OSR1: variants seen among roughly 807,000 people sequenced by gnomAD.
OSR1 encodes odd-skipped related transcription factor 1, also known as protein odd-skipped-related 1.
OSR1 carries 3 observed loss-of-function variants against 15.7 expected under a neutral mutation model. The ratio of observed to expected loss-of-function variants is 0.19; its 90% confidence interval spans 0.09 to 0.50. The LOEUF is 0.50. Ranked by LOEUF, OSR1 falls within the 20% of genes least tolerant of loss-of-function variation. The pLI, the probability that OSR1 is intolerant of heterozygous loss-of-function variation, is 0.97. For missense variants in OSR1, 271 were observed against 351.1 expected, an observed-to-expected ratio of 0.77 and a Z score of 1.82; for synonymous variants, 166 against 152.7, an observed-to-expected ratio of 1.09 and a Z score of -0.64.
downstream of OSR1, among the ~76,000 whole-genome samples, chr2:19,350,765 A>G (rs2103358025): frequency 6.6e-6 from 1 of 151,760 alleles, no homozygotes; most frequent in Admixed American, 6.5e-5. Context: ...GGCGGACTCG[A>G]ATTTTTCCTC....
At position 19,352,267 on chromosome 2, in the gene OSR1, G is replaced by T; in HGVS notation, c.*8C>A. 4 of 1,614,052 alleles carry T rather than the reference G, an allele frequency of 2.5e-6. 1 individual carries two copies. ...GGGCCTAGGGTCCTTGTGACCCACA[G>T]GTTCTATTTAGCATTTGATCTTGGA... On this transcript the variant is annotated 3_prime_UTR_variant, in exon 3 of 3. Transcript: ENST00000272223.
At chr2:19,354,748 GC>G (rs1003092698) in intron 1 of OSR1, 9 of 152,302 alleles carry the variant, frequency 5.9e-5, no homozygotes, top group African/African-American at 2.2e-4. Context: ...TCAAACAACT[GC>G]AGTCACAAAC....
At chr2:19,350,287 G>C (rs573488384), downstream of OSR1, among the ~76,000 whole-genome samples, 21 of 152,252 alleles carry the variant, frequency 1.4e-4, no homozygotes, top group Admixed American at 1.3e-3. Context: ...TGGCCAGCAG[G>C]GGGCAGCGTG....
At chr2:19,352,822 A>G (rs1468709902) in intron 2 of OSR1, among the ~76,000 whole-genome samples, 1 of 152,212 alleles carries the variant, frequency 6.6e-6, no homozygotes, top group Admixed American at 6.5e-5. Context: ...AGTTTCTCAG[A>G]CATTTCAAAT....
rs1351493474 is a variant in OSR1 at position 19,357,089 on chromosome 2, G to A, written c.-33+1252C>T. 6.6e-6 allele frequency among the ~76,000 whole-genome samples: 1 copy of A among 152,046 alleles called. No homozygotes were observed. The highest frequency in any genetic ancestry group is 1.5e-5 in the Non-Finnish European group (1 of 68,020). On this transcript the variant is annotated intron_variant, in intron 1 of 2. Transcript: ENST00000272223. This position sits in a 1 kb window ranked among gnomAD's most constrained non-coding sequence, Gnocchi z 5.0. The stretch of plus-strand genomic sequence containing the variant: ...CTTCTATAGCATTCTCCCAACAAAC[G>A]AGATCTAACGAACCCATTGGCAAGG...
Position 19,353,125 on chromosome 2 carries a change from A to T in OSR1, c.665+16T>A. ...GAGGCAGAGAGCTCTCTCTTGCGCCACCCGCAGTGCCGCACCTGTGGTCTC... is the reference window on the plus strand; with the variant it reads ...GAGGCAGAGAGCTCTCTCTTGCGCCTCCCGCAGTGCCGCACCTGTGGTCTC... On this transcript the variant is annotated intron_variant, in intron 2 of 2. Coordinates refer to ENST00000272223, the MANE Select transcript of OSR1 (RefSeq NM_145260.3). The T allele has an allele frequency of 6.2e-7, 1 of 1,611,286 alleles. No homozygotes were observed. The highest frequency in any genetic ancestry group is 1.1e-5 in the South Asian group (1 of 91,028).
At position 19,351,625 on chromosome 2, in the gene OSR1, G is replaced by A. The variant is rs1664841370; in HGVS notation, c.*650C>T. The A allele has an allele frequency of 6.6e-6, 1 of 152,530 alleles. No homozygotes were observed. Among genetic ancestry groups the A allele is most frequent in the Admixed American group, 6.5e-5 (1 of 15,280 alleles). The allele number at this position is 152,530 out of a possible 1,614,324, so 9.4% of individuals were successfully genotyped here. A position where few individuals can be genotyped will look rare whatever the true frequency, so the allele number is the denominator to read the frequency against. On this transcript the variant is annotated 3_prime_UTR_variant, in exon 3 of 3. Coordinates refer to ENST00000272223, the MANE Select transcript of OSR1 (RefSeq NM_145260.3). Reference sequence around the variant, plus strand: ...GCTGGCTGCTCCCTCGCAGTGTCGCGGCAGCGGAGGCCGGGCCCCCTGCAG... The same window carrying A: ...GCTGGCTGCTCCCTCGCAGTGTCGCAGCAGCGGAGGCCGGGCCCCCTGCAG...
At chr2:19,355,398 GC>G (rs1420772785) in intron 1 of OSR1, 10 of 152,716 alleles carry the variant, frequency 6.5e-5, no homozygotes, top group Non-Finnish European at 1.2e-4. Context: ...CTGACCCTCA[GC>G]CCAGGGCAAG....
In OSR1 at chr2:19,353,122, G is replaced by T; in HGVS notation, c.665+19C>A. 6.2e-7 allele frequency: 1 copy of T among 1,610,662 alleles called. No individual in the cohort carries two copies. Among genetic ancestry groups the T allele is most frequent in the Non-Finnish European group, 8.5e-7 (1 of 1,177,460 alleles). Reference sequence around the variant, plus strand: ...CCAGAGGCAGAGAGCTCTCTCTTGCGCCACCCGCAGTGCCGCACCTGTGGT... The same window carrying T: ...CCAGAGGCAGAGAGCTCTCTCTTGCTCCACCCGCAGTGCCGCACCTGTGGT... On this transcript the variant is annotated intron_variant, in intron 2 of 2. Transcript: ENST00000272223.
chr2:19,358,110 C>T (rs1196007320), intron 1 of OSR1, among the ~76,000 whole-genome samples: 1 of 152,196 alleles, frequency 6.6e-6, no homozygotes, highest in Non-Finnish European at 1.5e-5. Context: ...CGGAGGCCCG[C>T]CCCCCTTAAT....
chr2:19,352,522 T>C, intron 2 of OSR1, 112 bp from the exon 3 acceptor site: 2 of 1,312,780 alleles, frequency 1.5e-6, no homozygotes, highest in Non-Finnish European at 2.1e-6. Flanking sequence ...GAAAAGTGTA[T>C]AGTCAGGTAC....
the OSR1 span, among the ~76,000 whole-genome samples, chr2:19,345,368 A>G: frequency 6.6e-6 from 1 of 151,868 alleles, no homozygotes; most frequent in Non-Finnish European, 1.5e-5. Context: ...TTAGACATGA[A>G]GTCCTTGCCC....
At chr2:19,354,073 G>T (rs1664899920) in intron 1 of OSR1, 1 of 460,510 alleles carries the variant, frequency 2.2e-6, no homozygotes, top group Non-Finnish European at 3.9e-6. Flanking sequence ...TCCAAATGGC[G>T]TCTGGCAGAG....
chr2:19,345,141 C>G, the OSR1 span, among the ~76,000 whole-genome samples: 1 of 152,130 alleles, frequency 6.6e-6, no homozygotes, highest in African/African-American at 2.4e-5. Flanking sequence ...TTAATACACA[C>G]TAAAGTGTCA....
At position 19,353,526 on chromosome 2, in the gene OSR1, G is replaced by A. The variant is rs2103360952; in HGVS notation, c.280C>T (p.His94Tyr). ...ATCTCGGGCTTGGGTTGAATGACAT[G>A]AGGGAACCAGGGAAAGGCGGGCAGC... Reference protein sequence around the residue: ...FQLPAFPWFPHVIQPKPEITA... With the variant: ...FQLPAFPWFPYVIQPKPEITA... The change falls in exon 2 of 3, where the codon CAT (histidine) becomes TAT (tyrosine). Residue 94 changes from histidine (H) to tyrosine (Y), a missense_variant. By Grantham distance (83) the His-to-Tyr change is moderately conservative (BLOSUM62 2). Around this residue, in one of 4 missense-constraint regions of OSR1, gnomAD observed 210 missense variants for 218.4 expected, o/e 0.96. Coordinates refer to ENST00000272223, the MANE Select transcript of OSR1 (RefSeq NM_145260.3). 1 of 1,614,218 alleles carries A rather than the reference G, an allele frequency of 6.2e-7. No homozygotes were observed. The highest frequency in any genetic ancestry group is 8.5e-7 in the Non-Finnish European group (1 of 1,180,022).
intron 1 of OSR1, chr2:19,354,892 C>T (rs45450095): frequency 6.6e-6 from 1 of 152,294 alleles, no homozygotes; most frequent in Non-Finnish European, 1.5e-5. Flanking sequence ...GGCCAGGCCT[C>T]CATTCCTGTG....
downstream of OSR1, among the ~76,000 whole-genome samples, chr2:19,346,944 G>T (rs1558357210): frequency 6.6e-6 from 1 of 152,214 alleles, no homozygotes; most frequent in African/African-American, 2.4e-5. Flanking sequence ...TTCCACAAAC[G>T]TGTGGTGAGT....
At chr2:19,352,532 C>T in intron 2 of OSR1, 122 bp from the exon 3 acceptor site, 1 of 1,214,336 alleles carries the variant, frequency 8.2e-7, no homozygotes, top group Non-Finnish European at 1.2e-6. Flanking sequence ...TAGTCAGGTA[C>T]CAAGTGTGGA....
chr2:19,357,200 C>A lies in OSR1; in HGVS notation c.-33+1141G>T, dbSNP rs1006797366. On this transcript the variant is annotated intron_variant, in intron 1 of 2. Transcript: ENST00000272223. The surrounding 1 kb of genome is among the most constrained non-coding windows in gnomAD (Gnocchi z 5.0). ...ATAAAACAGCAATTACCTCGAGGAG[C>A]CTGGGATGGAACATCTACACGCCGC... 1.3e-5 allele frequency among the ~76,000 whole-genome samples: 2 copies of A among 152,116 alleles called. No homozygotes were observed. Among genetic ancestry groups the A allele is most frequent in the Non-Finnish European group, 1.5e-5 (1 of 68,032 alleles).
Sources: gnomAD v4.1 joint callset for allele counts (sites outside exome capture counted in the v4.1 genomes callset) on GRCh38, gnomAD v4.1.1 for gene constraint, gnomAD v4.1.1 regional missense constraint, Gnocchi (gnomAD v3.1) non-coding constraint, MANE v1.5 for transcripts, NCBI Gene and HGNC (gene_info 2026-07-23, HGNC 2026-07-21) for gene names.